LTBP2: variants seen among roughly 807,000 people sequenced by gnomAD.
The protein encoded by LTBP2 is latent transforming growth factor beta binding protein 2, also known as latent-transforming growth factor beta-binding protein 2.
In LTBP2, 103 loss-of-function variants were observed where a neutral mutation model predicts 210.6. The ratio of observed to expected loss-of-function variants is 0.49; its 90% CI spans 0.42 to 0.58. The LOEUF (loss-of-function observed/expected upper bound fraction) is 0.58. Ranked by LOEUF, LTBP2 falls within the 20% of genes least tolerant of loss-of-function variation. LTBP2 has a pLI of 0.00. For synonymous variants in LTBP2, 1,007 were observed against 1,015.0 expected (o/e 0.99, Z 0.15); for missense variants, 2,313 against 2,494.5 (o/e 0.93, Z 1.55).
intron 3 of LTBP2, among the ~76,000 whole-genome samples, chr14:74,568,697 G>T (rs1261719493): frequency 6.6e-6 from 1 of 152,098 alleles, no homozygotes; most frequent in Non-Finnish European, 1.5e-5. Flanking sequence ...TCCAGATGAG[G>T]CATAAAGAAG....
intron 3 of LTBP2, among the ~76,000 whole-genome samples, chr14:74,583,684 C>T (rs1474114069): frequency 6.6e-6 from 1 of 152,266 alleles, no homozygotes; most frequent in African/African-American, 2.4e-5. Context: ...CCTGGCCTTG[C>T]AGCCTCCCCT....
chr14:74,550,676 T>A (rs1992304), intron 7 of LTBP2, among the ~76,000 whole-genome samples: 1 of 152,016 alleles, frequency 6.6e-6, no homozygotes, highest in Non-Finnish European at 1.5e-5. Flanking sequence ...CACACCTCTG[T>A]GACCCCAACT....
At chr14:74,585,818 C>A (rs376823767) in intron 3 of LTBP2, 36 bp downstream of exon 3, 1 of 1,613,896 alleles carries the variant, frequency 6.2e-7, no homozygotes, top group Non-Finnish European at 8.5e-7. Flanking sequence ...AGAGACTGAG[C>A]CCCAGACCCC....
At chr14:74,570,029 T>C (rs114301053) in intron 3 of LTBP2, among the ~76,000 whole-genome samples, 2,254 of 152,104 alleles carry the variant, frequency 0.015, 67 homozygotes, top group African/African-American at 0.052. Context: ...GCTGGAGAGC[T>C]GCAGCCATGA....
Position 74,499,700 on chromosome 14 carries a change from C to CTT in LTBP2, c.*1182_*1183dup. 4.4e-6 allele frequency: 1 copy of CTT among 225,516 alleles called. No homozygotes were observed. Among genetic ancestry groups the CTT allele is most frequent in the East Asian group, 6.4e-5 (1 of 15,628 alleles). The allele number at this position is 225,516 out of a possible 1,614,324, so 14.0% of individuals were successfully genotyped here. A position where few individuals can be genotyped will look rare whatever the true frequency, so the allele number is the denominator to read the frequency against. The stretch of plus-strand genomic sequence containing the variant: ...CACAGCCTCATCTCTAATATTTAGA[C>CTT]TTAGCCAACATGGTAAAGAAATTTA... On this transcript the variant is annotated 3_prime_UTR_variant, in exon 36 of 36. Transcript: ENST00000261978.
chr14:74,549,638 C>G (rs535439520), intron 8 of LTBP2, among the ~76,000 whole-genome samples: 1 of 152,342 alleles, frequency 6.6e-6, no homozygotes, highest in Non-Finnish European at 1.5e-5. Flanking sequence ...CAGGCCCTTG[C>G]AGGCAATCAG....
At chr14:74,522,664 TA>T in intron 16 of LTBP2, 125 bp downstream of exon 16, 1 of 1,204,212 alleles carries the variant, frequency 8.3e-7, no homozygotes, top group Non-Finnish European at 1.1e-6. Flanking sequence ...GTGCTCCTCC[TA>T]AACTCATCAA....
intron 3 of LTBP2, among the ~76,000 whole-genome samples, chr14:74,581,898 T>C (rs1595290856): frequency 6.6e-6 from 1 of 152,152 alleles, no homozygotes; most frequent in East Asian, 1.9e-4. Context: ...AGCAGCCTGC[T>C]GGAAGCCACC....
chr14:74,540,330 G>T (rs1000215988), intron 8 of LTBP2, among the ~76,000 whole-genome samples: 8 of 151,912 alleles, frequency 5.3e-5, no homozygotes, highest in Admixed American at 6.6e-5. Flanking sequence ...AAAAGTCAGC[G>T]GGCGTGGTGG....
rs756537149 is a variant in LTBP2, at chr14:74,508,085, C to G, written c.3663G>C (p.Glu1221Asp). The G allele has an allele frequency of 6.2e-7, 1 of 1,613,690 alleles. No homozygotes were observed. Among genetic ancestry groups the G allele is most frequent in the African/African-American group, 1.3e-5 (1 of 74,948 alleles). ...EGGTSCQDVD[E>D]CATTDPCVGG... ...CCACACACGGGTCTGTGGTGGCACA[C>G]TCGTCCACATCTAGAGTAGAGATGG... Residue 1221 changes from glutamate to aspartate, a missense_variant, in exon 25 of 36, where the codon GAG (glutamate) becomes GAC (aspartate). By Grantham distance (45) the Glu-to-Asp change is conservative. This residue lies in a region of LTBP2 where 1,867 missense variants were observed against 1,976.9 expected (regional missense o/e 0.94). Transcript: ENST00000261978.
In LTBP2 at chr14:74,529,993, TC is replaced by T. The variant is rs548025689; in HGVS notation, c.1988-872del. On this transcript the variant is annotated intron_variant, in intron 10 of 35. Coordinates refer to ENST00000261978, the MANE Select transcript of LTBP2 (RefSeq NM_000428.3). ...CAGGACGCAGCAGACCAAGTTCAAA[TC>T]CCTGCTCCACCATGAACTACAGACC... 2.6e-5 allele frequency among the ~76,000 whole-genome samples: 4 copies of T among 152,270 alleles called. No individual in the cohort carries two copies. The East Asian group carries it at 7.7e-4, about 29-fold the overall frequency.
At position 74,611,528 on chromosome 14, in the gene LTBP2, C is replaced by T; in HGVS notation, c.417G>A (p.Ala139=). ...GGGTCCCCAGGCGTGGGAGAGCCGG[C>T]GCGGCCCGGGTCCGGGGTGCTGGTT... ...QQQPAPRTRA[A]PALPRLGTPQ... Residue 139 remains alanine (A), a synonymous_variant, in exon 1 of 36, where the codon GCG becomes GCA. Coordinates refer to ENST00000261978, the MANE Select transcript of LTBP2 (RefSeq NM_000428.3). 1.3e-6 allele frequency: 2 copies of T among 1,548,222 alleles called. No individual in the cohort carries two copies. The highest frequency in any genetic ancestry group is 8.6e-7 in the Non-Finnish European group (1 of 1,156,140).
In LTBP2 at chr14:74,503,308, C is replaced by T. The variant is rs375314974; in HGVS notation, c.4799G>A (p.Arg1600His). ...TTCCGTGTAGGTGGTGCGGTGCCCA[C>T]GCAGGGGTTCGCTGCACACATCATT... The part of the protein sequence containing the change: ...VTNDVCSEPL[R>H]GHRTTYTECC... Residue 1600 changes from arginine (R) to histidine (H), a missense_variant, in exon 33 of 36, where the codon CGT becomes CAT. By Grantham distance (29) the Arg-to-His change is conservative. Around this residue, in one of 3 missense-constraint regions of LTBP2, gnomAD observed 443 missense variants for 501.4 expected, o/e 0.88. Coordinates refer to ENST00000261978, the MANE Select transcript of LTBP2 (RefSeq NM_000428.3). The T allele has an allele frequency of 4.2e-5, 68 of 1,613,878 alleles. No individual in the cohort carries two copies. Among genetic ancestry groups the T allele is most frequent in the African/African-American group, 2.1e-4 (16 of 74,942 alleles).
intron 8 of LTBP2, among the ~76,000 whole-genome samples, chr14:74,540,093 A>G (rs2087473281): frequency 6.6e-6 from 1 of 152,092 alleles, no homozygotes; most frequent in Non-Finnish European, 1.5e-5. Flanking sequence ...CAGGGCCCTC[A>G]GCACCCCTCC....
intron 3 of LTBP2, among the ~76,000 whole-genome samples, chr14:74,564,386 T>TATATTTATATATATA (rs375350550): frequency 2.6e-5 from 2 of 77,420 alleles, no homozygotes; most frequent in African/African-American, 5.0e-5. Flanking sequence ...TATATTTATA[T>TATATTTATATATATA]TTTATATATT....
rs773346265 is a variant in LTBP2, at chr14:74,508,979, C to T, written c.3404-27G>A. ...TGCAGGGCCACACAGGGGAGGAAGA[C>T]AGCCGATGGCAGCACCTCCCAAGGA... On this transcript the variant is annotated intron_variant, in intron 22 of 35. Coordinates refer to ENST00000261978, the MANE Select transcript of LTBP2 (RefSeq NM_000428.3). 3.7e-6 allele frequency: 6 copies of T among 1,611,672 alleles called. No individual in the cohort carries two copies. In the South Asian group the frequency reaches 4.4e-5, roughly 12 times the overall value.
At chr14:74,595,771 G>A (rs1051691192) in intron 2 of LTBP2, among the ~76,000 whole-genome samples, 4 of 152,176 alleles carry the variant, frequency 2.6e-5, no homozygotes, top group African/African-American at 4.8e-5. Flanking sequence ...TCACCTCTGT[G>A]AGCCTCAGTG....
chr14:74,524,074 G>A (rs2087241109), intron 15 of LTBP2, among the ~76,000 whole-genome samples: 1 of 152,014 alleles, frequency 6.6e-6, no homozygotes, highest in Non-Finnish European at 1.5e-5. Flanking sequence ...GCTGAGGCTG[G>A]GGTTGCGGTG....
intron 9 of LTBP2, among the ~76,000 whole-genome samples, chr14:74,532,947 C>T (rs992736282): frequency 7.9e-5 from 12 of 152,218 alleles, no homozygotes; most frequent in Non-Finnish European, 1.8e-4. Flanking sequence ...TCAAGCAATT[C>T]TCATGCCTCA....
Sources: gnomAD v4.1 joint callset for allele counts (sites outside exome capture counted in the v4.1 genomes callset) on GRCh38, gnomAD v4.1.1 for gene constraint, gnomAD v4.1.1 regional missense constraint, MANE v1.5 for transcripts, NCBI Gene and HGNC (gene_info 2026-07-23, HGNC 2026-07-21) for gene names.